The following NTRK3 variants were observed in gnomAD, a reference collection of about 807,000 sequenced individuals.
NTRK3 encodes neurotrophic receptor tyrosine kinase 3, also known as NT-3 growth factor receptor.
In NTRK3, 24 loss-of-function variants were observed where a neutral mutation model predicts 91.7. The ratio of observed to expected loss-of-function variants is 0.26; its 90% confidence interval spans 0.19 to 0.37. NTRK3 has a LOEUF of 0.37. Ranked by LOEUF, NTRK3 falls within the 10% of genes least tolerant of loss-of-function variation. The pLI is 1.00. For missense variants in NTRK3, 880 were observed against 1,068.9 expected (o/e 0.82, Z 2.46); for synonymous variants, 483 against 404.0 (o/e 1.20, Z -2.34).
intron 15 of NTRK3, among the ~76,000 whole-genome samples, chr15:87,937,292 G>A (rs1219934190): frequency 6.6e-6 from 1 of 152,172 alleles, no homozygotes; most frequent in African/African-American, 2.4e-5. Context: ...GTAATGAAAT[G>A]TTCTAGAAAC....
intron 15 of NTRK3, 46 bp from the exon 16 acceptor site, chr15:87,933,230 G>C: frequency 6.2e-7 from 1 of 1,601,052 alleles, no homozygotes; most frequent in Non-Finnish European, 8.6e-7. Context: ...ACAGGGCAGG[G>C]GGCTGTCTTT....
exon 19 of NTRK3, chr15:87,868,368 G>A (rs1403762475): frequency 4.4e-6 from 1 of 225,566 alleles, no homozygotes; most frequent in East Asian, 6.4e-5. Context: ...CATAAACACA[G>A]TGTCCTTGGC....
intron 13 of NTRK3, among the ~76,000 whole-genome samples, chr15:88,060,816 G>C (rs1484763977): frequency 6.6e-6 from 1 of 152,190 alleles, no homozygotes; most frequent in Non-Finnish European, 1.5e-5. Flanking sequence ...CCAAGTGTAA[G>C]AAGTTATTTT....
intron 17 of NTRK3, among the ~76,000 whole-genome samples, chr15:87,909,514 A>C (rs1184536746): frequency 6.6e-6 from 1 of 152,196 alleles, no homozygotes; most frequent in Non-Finnish European, 1.5e-5. Context: ...GAAGACAATG[A>C]AATGGGGATT....
At chr15:87,876,656 T>A (rs894481998) in exon 19 of NTRK3, 24 of 215,466 alleles carry the variant, frequency 1.1e-4, no homozygotes, top group Non-Finnish European at 1.5e-4. Flanking sequence ...CAGCAGCTTC[T>A]CTGTGTACTA....
intron 1 of NTRK3, 51 bp from the exon 2 acceptor site, chr15:88,256,537 G>A: frequency 1.9e-6 from 1 of 513,092 alleles, no homozygotes; most frequent in Non-Finnish European, 3.4e-6. Context: ...AAAAGGAAAA[G>A]GAAAAAATGG....
At chr15:88,168,951 T>G (rs1316065640) in intron 5 of NTRK3, among the ~76,000 whole-genome samples, 1 of 152,188 alleles carries the variant, frequency 6.6e-6, no homozygotes, top group Admixed American at 6.5e-5. Context: ...TGCTGAAACC[T>G]GAAAGAGGAA....
chr15:88,020,249 T>A (rs1248664493), intron 14 of NTRK3, among the ~76,000 whole-genome samples: 1 of 152,124 alleles, frequency 6.6e-6, no homozygotes, highest in Non-Finnish European at 1.5e-5. Context: ...CATGAATCTC[T>A]CTGCCACCTT....
intron 13 of NTRK3, among the ~76,000 whole-genome samples, chr15:88,038,974 G>T (rs2079333022): frequency 6.6e-6 from 1 of 152,174 alleles, no homozygotes; most frequent in Non-Finnish European, 1.5e-5. Flanking sequence ...CCACAGTGAA[G>T]AATTTGTTAA....
chr15:87,908,888 A>C (rs898806964), intron 17 of NTRK3, among the ~76,000 whole-genome samples: 1 of 151,714 alleles, frequency 6.6e-6, no homozygotes, highest in African/African-American at 2.4e-5. Flanking sequence ...GGACATGAAG[A>C]CGCAATGGGC....
chr15:88,118,032 G>A (rs931019845), intron 13 of NTRK3, among the ~76,000 whole-genome samples: 1 of 152,236 alleles, frequency 6.6e-6, no homozygotes, highest in Non-Finnish European at 1.5e-5. Flanking sequence ...AAAGGGCAGT[G>A]GGTGTCAAGG....
intron 14 of NTRK3, among the ~76,000 whole-genome samples, chr15:87,958,658 C>A (rs1217537760): frequency 6.6e-6 from 1 of 151,950 alleles, no homozygotes; most frequent in Non-Finnish European, 1.5e-5. Flanking sequence ...AACACCCAAG[C>A]AATTCTCAAA....
chr15:88,118,012 A>G (rs565317323), intron 13 of NTRK3, among the ~76,000 whole-genome samples: 2 of 152,316 alleles, frequency 1.3e-5, no homozygotes, highest in East Asian at 3.9e-4. Flanking sequence ...TCCATGAGGA[A>G]CCACAGCACA....
At chr15:88,045,927 C>G (rs1463863194) in intron 13 of NTRK3, among the ~76,000 whole-genome samples, 2 of 151,918 alleles carry the variant, frequency 1.3e-5, no homozygotes, top group East Asian at 3.8e-4. Flanking sequence ...TTCATCTTAA[C>G]TTAAATCTTA....
chr15:87,909,689 A>G (rs534522494), intron 17 of NTRK3, among the ~76,000 whole-genome samples: 1 of 152,300 alleles, frequency 6.6e-6, no homozygotes, highest in East Asian at 1.9e-4. Flanking sequence ...TCAGAATATG[A>G]CTGTATTTGG....
intron 13 of NTRK3, among the ~76,000 whole-genome samples, chr15:88,043,282 A>G (rs1012796485): frequency 6.6e-6 from 1 of 152,206 alleles, no homozygotes; most frequent in African/African-American, 2.4e-5. Flanking sequence ...TTCTGATTGC[A>G]CGTATAAGGT....
intron 13 of NTRK3, among the ~76,000 whole-genome samples, chr15:88,114,287 A>C (rs1349771329): frequency 6.6e-6 from 1 of 152,172 alleles, no homozygotes; most frequent in African/African-American, 2.4e-5. Flanking sequence ...GAAGACATCA[A>C]AAAAGATGAA....
chr15:88,112,125 C>T (rs1031187775), intron 13 of NTRK3, among the ~76,000 whole-genome samples: 4 of 152,140 alleles, frequency 2.6e-5, no homozygotes, highest in Non-Finnish European at 5.9e-5. Context: ...CCAGGATGGT[C>T]TTGATCTCCT....
chr15:88,230,650 G>A (rs1470433015), intron 3 of NTRK3, among the ~76,000 whole-genome samples: 1 of 152,132 alleles, frequency 6.6e-6, no homozygotes, highest in African/African-American at 2.4e-5. Flanking sequence ...TTAGCTTGCA[G>A]TATACCTGTT....
Sources: gnomAD v4.1 joint callset for allele counts (sites outside exome capture counted in the v4.1 genomes callset) on GRCh38, gnomAD v4.1.1 for gene constraint, MANE v1.5 for transcripts, NCBI Gene and HGNC (gene_info 2026-07-23, HGNC 2026-07-21) for gene names.